The following CDH18 variants were observed in gnomAD, a reference collection of about 807,000 sequenced individuals.
The protein encoded by CDH18 is cadherin 18.
Under a neutral mutation model 67.9 loss-of-function variants are expected in CDH18, and 31 were observed. The observed-to-expected ratio is 0.46, with a 90% confidence interval of 0.34 to 0.62. The LOEUF (loss-of-function observed/expected upper bound fraction) is 0.62, where lower values mean the gene tolerates loss of function less well. Ranked by LOEUF, CDH18 falls within the 20% of genes least tolerant of loss-of-function variation. The probability of loss-of-function intolerance (pLI) is 0.01; values close to 1 mark genes in which losing one functional copy is unlikely to be tolerated. For synonymous variants in CDH18, 362 were observed against 347.2 expected, an observed-to-expected ratio of 1.04 and a Z score of -0.48; for missense variants, 890 against 975.5, an observed-to-expected ratio of 0.91 and a Z score of 1.17.
chr5:19,870,667 A>G (rs1243292455), intron 2 of CDH18, among the ~76,000 whole-genome samples: 5 of 152,114 alleles, frequency 3.3e-5, no homozygotes, highest in Admixed American at 3.3e-4. Context: ...AATGGCTTCT[A>G]TTTTAAGAGT....
At chr5:20,072,028 A>C (rs1420974991) in intron 2 of CDH18, among the ~76,000 whole-genome samples, 1 of 152,116 alleles carries the variant, frequency 6.6e-6, no homozygotes, top group East Asian at 1.9e-4. Flanking sequence ...TGGGATTTTT[A>C]ACAAAACTAA....
chr5:20,139,721 TC>T (rs1161303610), intron 2 of CDH18, among the ~76,000 whole-genome samples: 2 of 152,144 alleles, frequency 1.3e-5, no homozygotes, highest in Non-Finnish European at 2.9e-5. Context: ...GAAAAAATGC[TC>T]ATCATCACTG....
rs189318189 is a variant in CDH18 at position 20,081,438 on chromosome 5, C to T, written c.-517-89424G>A. The stretch of plus-strand genomic sequence containing the variant: ...ATTTTGCCATTCAACCCAGCAATCC[C>T]TTTACTGAATAATTACTGAAAGAAA... On this transcript the variant is annotated intron_variant, in intron 2 of 14. Coordinates refer to the CDH18 transcript ENST00000507958. Among the ~76,000 whole-genome samples the T allele has an allele frequency of 6.5e-4, 99 of 152,230 alleles. 1 individual carries two copies. The South Asian group carries it at 0.018, about 27-fold the overall frequency.
At chr5:19,950,890 C>T (rs1269564966) in intron 2 of CDH18, among the ~76,000 whole-genome samples, 2 of 152,050 alleles carry the variant, frequency 1.3e-5, no homozygotes, top group Non-Finnish European at 2.9e-5. Flanking sequence ...TTTTAAAACC[C>T]ACACTTCTCT....
At chr5:19,530,136 T>G (rs1444599913) in intron 9 of CDH18, among the ~76,000 whole-genome samples, 1 of 152,084 alleles carries the variant, frequency 6.6e-6, no homozygotes, top group Non-Finnish European at 1.5e-5. Flanking sequence ...AATACACAAA[T>G]GCTCAAGGGT....
At chr5:20,525,523 C>T (rs1002644705) in intron 1 of CDH18, among the ~76,000 whole-genome samples, 2 of 152,202 alleles carry the variant, frequency 1.3e-5, no homozygotes, top group South Asian at 4.1e-4. Context: ...CTGCCTTCTT[C>T]CTGCAGTTCA....
intron 1 of CDH18, among the ~76,000 whole-genome samples, chr5:20,508,236 G>T (rs1466748329): frequency 6.7e-6 from 1 of 149,800 alleles, no homozygotes; most frequent in Non-Finnish European, 1.5e-5. Flanking sequence ...TCAAGGCTCA[G>T]AAATTCAACA....
chr5:19,609,738 T>C (rs1285278392), intron 6 of CDH18, among the ~76,000 whole-genome samples: 1 of 152,002 alleles, frequency 6.6e-6, no homozygotes. Flanking sequence ...AATATAACTG[T>C]CTCAGACAGG....
rs1385682100 is a variant in CDH18, at chr5:19,875,426, AGATAGATAGATAGATC to A, written c.-256-36200_-256-36185del. On this transcript the variant is annotated intron_variant, in intron 2 of 12. Coordinates refer to ENST00000382275, the MANE Select transcript of CDH18 (RefSeq NM_004934.5). ...TAGATAGATAGATAGATAGATAGAT[AGATAGATAGATAGATC>A]GATCGATCTATAGATAGATAGATGG... Among the ~76,000 whole-genome samples, 384 of 150,026 alleles carry A rather than the reference AGATAGATAGATAGATC, an allele frequency of 2.6e-3. 3 individuals are homozygous for A. The highest frequency in any genetic ancestry group is 9.3e-3 in the African/African-American group (372 of 39,852).
Position 19,483,410 on chromosome 5 carries a change from G to T in CDH18, c.1773C>A (p.Cys591Ter). The T allele has an allele frequency of 6.2e-7, 1 of 1,613,972 alleles. No homozygotes were observed. The highest frequency in any genetic ancestry group is 8.5e-7 in the Non-Finnish European group (1 of 1,179,970). The change falls in exon 12 of 13, where the codon TGC becomes TGA. Residue 591 changes from cysteine to a stop codon, truncating the protein, a stop_gained. Coordinates refer to ENST00000382275, the MANE Select transcript of CDH18 (RefSeq NM_004934.5). LOFTEE classifies it high-confidence loss of function. ...AGGTCCGCACACGCCCATCTCTCTC[G>T]CATGCACAAACCCTGATGGTGAGGG... ...SSTLTIRVCA[C>*]ERDGRVRTCH...
intron 5 of CDH18, among the ~76,000 whole-genome samples, chr5:19,659,686 C>T (rs1316745178): frequency 2.0e-5 from 3 of 152,048 alleles, no homozygotes; most frequent in African/African-American, 7.2e-5. Flanking sequence ...AAAGTGTCTT[C>T]ACATAGCTTT....
At chr5:20,512,141 T>C (rs1561080901) in intron 1 of CDH18, among the ~76,000 whole-genome samples, 2 of 152,016 alleles carry the variant, frequency 1.3e-5, no homozygotes, top group African/African-American at 2.4e-5. Flanking sequence ...GAGAATCGCT[T>C]GAATATGGAA....
intron 5 of CDH18, among the ~76,000 whole-genome samples, chr5:19,641,531 G>A (rs904131295): frequency 2.6e-5 from 4 of 152,056 alleles, no homozygotes; most frequent in Non-Finnish European, 5.9e-5. Flanking sequence ...TGCAAGAATC[G>A]TTTAACATAT....
intron 2 of CDH18, among the ~76,000 whole-genome samples, chr5:20,130,078 A>ATTATTATTATTATTG (rs1554093991): frequency 0.044 from 6,204 of 141,978 alleles, 237 homozygotes; most frequent in African/African-American, 0.098. Context: ...TATTATTGTT[A>ATTATTATTATTATTG]TTATTATTAT....
chr5:20,467,163 A>G (rs984057896), intron 1 of CDH18, among the ~76,000 whole-genome samples: 1 of 152,156 alleles, frequency 6.6e-6, no homozygotes, highest in African/African-American at 2.4e-5. Flanking sequence ...AGGTCCCAAC[A>G]TTTTTAAATA....
At chr5:19,665,997 A>G (rs1757864005) in intron 5 of CDH18, among the ~76,000 whole-genome samples, 2 of 152,070 alleles carry the variant, frequency 1.3e-5, no homozygotes, top group African/African-American at 4.8e-5. Context: ...AGAAAAGTTA[A>G]GTAGAATGTA....
chr5:19,622,235 T>C (rs114888048), intron 5 of CDH18, among the ~76,000 whole-genome samples: 183 of 152,174 alleles, frequency 1.2e-3, no homozygotes, highest in East Asian at 2.1e-3. Context: ...GGCAGAAACA[T>C]GGTAAGTAAA....
intron 4 of CDH18, among the ~76,000 whole-genome samples, chr5:19,722,808 T>C (rs1429062173): frequency 6.6e-6 from 1 of 152,164 alleles, no homozygotes; most frequent in Non-Finnish European, 1.5e-5. Context: ...GTTTTTACAA[T>C]CAATTGATCT....
At chr5:20,245,184 C>T (rs947879643) in intron 2 of CDH18, among the ~76,000 whole-genome samples, 8 of 151,994 alleles carry the variant, frequency 5.3e-5, no homozygotes, top group Admixed American at 2.0e-4. Flanking sequence ...TTTATTTTAC[C>T]TTCATACAAA....
Sources: allele counts gnomAD v4.1 joint callset (sites outside exome capture counted in the v4.1 genomes callset), GRCh38; gene constraint gnomAD v4.1.1; transcripts MANE v1.5; gene names NCBI Gene and HGNC (gene_info 2026-07-23, HGNC 2026-07-21).